Variants in RRAS2 observed in about 807,000 individuals in gnomAD.
The protein encoded by RRAS2 is ras-related protein R-Ras2.
RRAS2 carries 7 observed loss-of-function variants against 27.6 expected under a neutral mutation model. That is an observed-to-expected ratio of 0.25 (90% CI 0.14 to 0.48). The LOEUF is 0.48. Ranked by LOEUF, RRAS2 falls within the 20% of genes least tolerant of loss-of-function variation. The pLI, the probability that RRAS2 is intolerant of heterozygous loss-of-function variation, is 0.99. For synonymous variants in RRAS2, 86 were observed against 90.9 expected (o/e 0.95, Z 0.31); for missense variants, 178 against 256.2 (o/e 0.69, Z 2.08).
chr11:14,345,528 T>C lies in RRAS2; in HGVS notation c.108+13235A>G, dbSNP rs181975036. On this transcript the variant is annotated intron_variant, in intron 1 of 5. Coordinates refer to ENST00000256196, the MANE Select transcript of RRAS2 (RefSeq NM_012250.6). ...TCAAGGTGAACCAGACACAGATCGTTGTTCAAGGTCTGAGCTACAGAAGAA... is the reference window on the plus strand; with the variant it reads ...TCAAGGTGAACCAGACACAGATCGTCGTTCAAGGTCTGAGCTACAGAAGAA... 3.3e-5 allele frequency among the ~76,000 whole-genome samples: 5 copies of C among 152,350 alleles called. No individual in the cohort carries two copies. The East Asian group carries it at 7.7e-4, about 24-fold the overall frequency.
intron 1 of RRAS2, among the ~76,000 whole-genome samples, chr11:14,319,106 C>T (rs1299362775): frequency 6.6e-6 from 1 of 152,136 alleles, no homozygotes; most frequent in Non-Finnish European, 1.5e-5. Flanking sequence ...TTCTGTGCCC[C>T]AAATTACATC....
At chr11:14,295,666 C>A in intron 2 of RRAS2, 102 bp downstream of exon 2, 1 of 858,642 alleles carries the variant, frequency 1.2e-6, no homozygotes, top group Non-Finnish European at 1.8e-6. Flanking sequence ...TATTCCAGAT[C>A]ATCTAATATT....
At chr11:14,319,393 C>T in intron 1 of RRAS2, among the ~76,000 whole-genome samples, 1 of 130,414 alleles carries the variant, frequency 7.7e-6, no homozygotes, top group East Asian at 2.6e-4. Context: ...GCTCTGTCGC[C>T]CAGGCCGGAC....
chr11:14,302,109 C>CACACACACACACACACACACACACACAT (rs1415452446), intron 1 of RRAS2, among the ~76,000 whole-genome samples: 1 of 138,908 alleles, frequency 7.2e-6, no homozygotes. Context: ...CACACACACA[C>CACACACACACACACACACACACACACAT]ACCAAAAACC....
chr11:14,310,687 C>T (rs562814016), intron 1 of RRAS2, among the ~76,000 whole-genome samples: 16 of 152,266 alleles, frequency 1.1e-4, no homozygotes, highest in African/African-American at 3.9e-4. Context: ...ATATAAGTTA[C>T]TGATAAACTG....
intron 4 of RRAS2, among the ~76,000 whole-genome samples, 175 bp downstream of exon 4, chr11:14,294,296 T>C (rs1803108394): frequency 6.6e-6 from 1 of 152,238 alleles, no homozygotes; most frequent in African/African-American, 2.4e-5. Context: ...TCCTTTTTAT[T>C]TTTCACCCGC....
intron 1 of RRAS2, among the ~76,000 whole-genome samples, chr11:14,329,269 C>G (rs1011789911): frequency 1.3e-4 from 20 of 151,604 alleles, no homozygotes; most frequent in Non-Finnish European, 2.4e-4. Flanking sequence ...CATGAGCCCC[C>G]ACACCCAGCT....
intron 5 of RRAS2, among the ~76,000 whole-genome samples, chr11:14,281,361 T>A (rs1281572047): frequency 6.6e-6 from 1 of 152,198 alleles, no homozygotes; most frequent in African/African-American, 2.4e-5. Context: ...GTCATCACTA[T>A]CTTCACACCA....
intron 1 of RRAS2, among the ~76,000 whole-genome samples, chr11:14,332,316 A>C (rs868977715): frequency 1.1e-4 from 17 of 152,176 alleles, no homozygotes; most frequent in Admixed American, 9.8e-4. Context: ...ATATCATACA[A>C]TGAAATACTA....
intron 1 of RRAS2, among the ~76,000 whole-genome samples, chr11:14,301,400 T>G (rs1364200966): frequency 2.6e-5 from 4 of 152,200 alleles, no homozygotes; most frequent in African/African-American, 9.6e-5. Flanking sequence ...TCAGAATATT[T>G]TCCAGGTTTT....
chr11:14,352,210 C>T (rs543758499), intron 1 of RRAS2, among the ~76,000 whole-genome samples: 4 of 152,232 alleles, frequency 2.6e-5, no homozygotes, highest in South Asian at 2.1e-4. Flanking sequence ...AAGTTAAAGA[C>T]GGCAATATTA....
intron 4 of RRAS2, among the ~76,000 whole-genome samples, chr11:14,291,795 T>C (rs1239930105): frequency 1.3e-5 from 2 of 152,150 alleles, no homozygotes; most frequent in African/African-American, 2.4e-5. Context: ...CATACCACAT[T>C]CTGGCAATCT....
chr11:14,296,375 GA>G (rs1413260582), intron 1 of RRAS2, among the ~76,000 whole-genome samples: 1 of 152,234 alleles, frequency 6.6e-6, no homozygotes, highest in East Asian at 1.9e-4. Context: ...TTCACGTGAA[GA>G]AAAGGTACTA....
At chr11:14,330,068 C>T (rs553382099) in intron 1 of RRAS2, among the ~76,000 whole-genome samples, 2 of 152,198 alleles carry the variant, frequency 1.3e-5, no homozygotes, top group Admixed American at 6.5e-5. Flanking sequence ...GACTAAGACC[C>T]TATCTCTTAG....
At chr11:14,293,353 G>C (rs1294057484) in intron 4 of RRAS2, among the ~76,000 whole-genome samples, 1 of 151,002 alleles carries the variant, frequency 6.6e-6, no homozygotes, top group Non-Finnish European at 1.5e-5. Flanking sequence ...ATAAAAACAA[G>C]AATACTTAAA....
At chr11:14,323,236 C>CAGG (rs1191267577) in intron 1 of RRAS2, among the ~76,000 whole-genome samples, 3 of 152,008 alleles carry the variant, frequency 2.0e-5, no homozygotes, top group Non-Finnish European at 4.4e-5. Flanking sequence ...CACTTAAGCC[C>CAGG]AGGAGTTTGA....
upstream of RRAS2, among the ~76,000 whole-genome samples, chr11:14,361,040 C>T (rs1051889107): frequency 6.6e-6 from 1 of 151,196 alleles, no homozygotes; most frequent in Non-Finnish European, 1.5e-5. Context: ...AATCCCAACA[C>T]TTCGGGAGGC....
chr11:14,289,094 C>T (rs944815462), intron 4 of RRAS2, among the ~76,000 whole-genome samples: 1 of 152,224 alleles, frequency 6.6e-6, no homozygotes, highest in South Asian at 2.1e-4. Flanking sequence ...GCACAGATAA[C>T]GCCACATGTG....
intron 4 of RRAS2, among the ~76,000 whole-genome samples, chr11:14,283,940 C>A (rs767606654): frequency 7.2e-5 from 11 of 152,136 alleles, no homozygotes; most frequent in Admixed American, 2.0e-4. Flanking sequence ...CTCAAGCAAT[C>A]CTCCTGCCTC....
Sources: allele counts gnomAD v4.1 joint callset (sites outside exome capture counted in the v4.1 genomes callset), GRCh38; gene constraint gnomAD v4.1.1; transcripts MANE v1.5; gene names NCBI Gene and HGNC (gene_info 2026-07-23, HGNC 2026-07-21).